The following DNM3 variants were observed in gnomAD, a reference collection of about 807,000 sequenced individuals.
The protein encoded by DNM3 is dynamin 3, also known as dynamin-3.
Under a neutral mutation model 101.6 loss-of-function variants are expected in DNM3, and 47 were observed. The observed-to-expected ratio is 0.46, with a 90% CI of 0.37 to 0.59. The LOEUF (loss-of-function observed/expected upper bound fraction) is 0.59, where lower values mean the gene tolerates loss of function less well. DNM3 is among the 20% of genes least tolerant of loss of function. The pLI is 0.00. For synonymous variants in DNM3, 385 were observed against 387.9 expected, an observed-to-expected ratio of 0.99 and a Z score of 0.09; for missense variants, 849 against 1,085.7, an observed-to-expected ratio of 0.78 and a Z score of 3.06.
intron 2 of DNM3, among the ~76,000 whole-genome samples, chr1:171,948,179 C>G (rs1227652221): frequency 1.3e-5 from 2 of 152,112 alleles, no homozygotes; most frequent in South Asian, 2.1e-4. Flanking sequence ...GCTGATGAAA[C>G]AAATACAACA....
chr1:172,282,875 A>G lies in DNM3; in HGVS notation c.1770-25853A>G, dbSNP rs1005974831. ...AAAAGTACAGTCCTTCAGTTCAGGCACATGGACAGCTTATGTGACTGTCTT... is the reference window on the plus strand; with the variant it reads ...AAAAGTACAGTCCTTCAGTTCAGGCGCATGGACAGCTTATGTGACTGTCTT... On this transcript the variant is annotated intron_variant, in intron 15 of 20. Coordinates refer to ENST00000627582, the MANE Select transcript of DNM3 (RefSeq NM_015569.5). 6.6e-5 allele frequency among the ~76,000 whole-genome samples: 10 copies of G among 152,194 alleles called. 1 individual carries two copies. Among genetic ancestry groups the G allele is most frequent in the Non-Finnish European group, 5.9e-5 (4 of 68,030 alleles).
intron 14 of DNM3, chr1:172,138,841 G>A (rs952573279): frequency 2.1e-6 from 1 of 476,662 alleles, no homozygotes; most frequent in Non-Finnish European, 4.4e-6. Context: ...CTGCTGTACA[G>A]GTGAGCGGAT....
chr1:172,227,744 T>C (rs995895949), intron 14 of DNM3, among the ~76,000 whole-genome samples: 2 of 152,166 alleles, frequency 1.3e-5, no homozygotes, highest in African/African-American at 4.8e-5. Flanking sequence ...GAAATGAAGA[T>C]AGATATATTT....
intron 1 of DNM3, among the ~76,000 whole-genome samples, chr1:171,875,261 G>A (rs2035655241): frequency 6.6e-6 from 1 of 152,156 alleles, no homozygotes; most frequent in Non-Finnish European, 1.5e-5. Context: ...TTCCACAGTG[G>A]CTGAACTAAT....
intron 1 of DNM3, chr1:171,864,383 C>A (rs914134867): frequency 5.9e-5 from 9 of 152,218 alleles, no homozygotes; most frequent in Admixed American, 5.9e-4. Context: ...ATCTACCCTG[C>A]ATATTTTCCA....
intron 13 of DNM3, among the ~76,000 whole-genome samples, chr1:172,096,278 TA>T (rs750992955): frequency 6.6e-6 from 1 of 152,268 alleles, no homozygotes; most frequent in Non-Finnish European, 1.5e-5. Flanking sequence ...TAAGACCCAT[TA>T]AAGCTATTTT....
At chr1:171,925,289 G>A (rs2040480247) in intron 2 of DNM3, among the ~76,000 whole-genome samples, 1 of 151,434 alleles carries the variant, frequency 6.6e-6, no homozygotes, top group South Asian at 2.1e-4. Context: ...GTGCAGTGGT[G>A]CGATCTCAGC....
chr1:172,240,388 T>A (rs2061705567), intron 14 of DNM3, among the ~76,000 whole-genome samples: 1 of 152,066 alleles, frequency 6.6e-6, no homozygotes, highest in Admixed American at 6.6e-5. Flanking sequence ...TGGTGACAAA[T>A]GATGGGGGGA....
At chr1:171,952,092 C>T (rs749662108) in intron 2 of DNM3, among the ~76,000 whole-genome samples, 1 of 152,080 alleles carries the variant, frequency 6.6e-6, no homozygotes, top group Non-Finnish European at 1.5e-5. Context: ...GTTGTGGAGA[C>T]CAAGGTTCTT....
chr1:172,192,289 G>T (rs1489352221), intron 14 of DNM3, among the ~76,000 whole-genome samples: 2 of 151,608 alleles, frequency 1.3e-5, no homozygotes, highest in African/African-American at 2.4e-5. Flanking sequence ...TTATATGATG[G>T]ATTACATTTA....
rs2061333441 is a variant in DNM3, at chr1:172,231,446, A to C, written c.1660-22127A>C. On this transcript the variant is annotated intron_variant, in intron 14 of 20. Transcript: ENST00000627582. The stretch of plus-strand genomic sequence containing the variant: ...ATCCACACCAAAAACCCATCTGTAC[A>C]TCACCATCATCAAAGACCAAAGGTA... Among the ~76,000 whole-genome samples, 3 of 152,270 alleles carry C rather than the reference A, an allele frequency of 2.0e-5. No individual in the cohort carries two copies. The Middle Eastern group carries it at 0.01, about 518-fold the overall frequency.
intron 10 of DNM3, among the ~76,000 whole-genome samples, chr1:172,066,591 C>T (rs2051686470): frequency 6.6e-6 from 1 of 152,120 alleles, no homozygotes; most frequent in African/African-American, 2.4e-5. Context: ...CCCCACTTGT[C>T]AATATAGCCA....
intron 7 of DNM3, among the ~76,000 whole-genome samples, 156 bp downstream of exon 7, chr1:172,038,617 G>T (rs1198409555): frequency 6.6e-6 from 1 of 152,066 alleles, no homozygotes; most frequent in Non-Finnish European, 1.5e-5. Flanking sequence ...TTTATGCTTT[G>T]TTGAACAAGA....
intron 15 of DNM3, among the ~76,000 whole-genome samples, chr1:172,277,332 T>C (rs2063328533): frequency 6.6e-6 from 1 of 152,064 alleles, no homozygotes; most frequent in African/African-American, 2.4e-5. Flanking sequence ...AGACAATCTT[T>C]AGAGGATTTC....
intron 8 of DNM3, 84 bp from the exon 9 acceptor site, chr1:172,044,301 T>G (rs1342574682): frequency 2.6e-5 from 31 of 1,174,004 alleles, no homozygotes; most frequent in Non-Finnish European, 3.5e-5. Flanking sequence ...AATAATGAAG[T>G]CAAGTTATTC....
At chr1:172,099,489 T>A (rs1455760782) in intron 13 of DNM3, among the ~76,000 whole-genome samples, 1 of 151,922 alleles carries the variant, frequency 6.6e-6, no homozygotes, top group East Asian at 1.9e-4. Flanking sequence ...ATCATTTCTA[T>A]ATCGTTGAAC....
intron 14 of DNM3, among the ~76,000 whole-genome samples, chr1:172,185,019 A>T (rs891517710): frequency 6.6e-6 from 1 of 151,350 alleles, no homozygotes; most frequent in Admixed American, 6.6e-5. Context: ...AGTGATTTGG[A>T]AAAAAAAAGG....
chr1:171,921,104 G>C (rs1194380259), intron 1 of DNM3, among the ~76,000 whole-genome samples: 2 of 146,764 alleles, frequency 1.4e-5, no homozygotes, highest in Non-Finnish European at 3.0e-5. Flanking sequence ...GTTTTTGTAG[G>C]GTTTTTTTTT....
intron 1 of DNM3, among the ~76,000 whole-genome samples, chr1:171,911,273 C>CTTTTTTTTTTTTTTTT (rs151321245): frequency 2.2e-5 from 2 of 90,752 alleles, no homozygotes; most frequent in Non-Finnish European, 4.1e-5. Flanking sequence ...ACCCCAACAT[C>CTTTTTTTTTTTTTTTT]TTTTTTTTTT....
Sources: allele counts gnomAD v4.1 joint callset (sites outside exome capture counted in the v4.1 genomes callset), GRCh38; gene constraint gnomAD v4.1.1; transcripts MANE v1.5; gene names NCBI Gene and HGNC (gene_info 2026-07-23, HGNC 2026-07-21).